The following EPHA6 variants were observed in gnomAD, a reference collection of about 807,000 sequenced individuals.
EPHA6 encodes EPH receptor A6, also known as ephrin type-A receptor 6.
EPHA6 carries 50 observed loss-of-function variants against 112.0 expected under a neutral mutation model. That is an observed-to-expected ratio of 0.45 (90% confidence interval 0.36 to 0.56). EPHA6 has a LOEUF of 0.56. EPHA6 is among the 20% of genes least tolerant of loss of function. The pLI, the probability that EPHA6 is intolerant of heterozygous loss-of-function variation, is 0.00. For synonymous variants in EPHA6, 529 were observed against 490.7 expected (o/e 1.08, Z -1.03); for missense variants, 1,280 against 1,417.4 (o/e 0.90, Z 1.56).
chr3:97,033,222 C>T (rs1576360173), intron 3 of EPHA6, among the ~76,000 whole-genome samples: 1 of 151,846 alleles, frequency 6.6e-6, no homozygotes, highest in South Asian at 2.1e-4. Context: ...ATGTGTACCA[C>T]TTTATTGAAA....
intron 5 of EPHA6, among the ~76,000 whole-genome samples, chr3:97,366,657 T>A (rs1316720170): frequency 6.6e-6 from 1 of 151,944 alleles, no homozygotes; most frequent in African/African-American, 2.4e-5. Flanking sequence ...AGAACAAGGA[T>A]AAGCAATAAT....
intron 5 of EPHA6, among the ~76,000 whole-genome samples, chr3:97,264,119 G>A (rs2079592633): frequency 6.6e-6 from 1 of 152,164 alleles, no homozygotes; most frequent in Non-Finnish European, 1.5e-5. Flanking sequence ...CAGGATCTTT[G>A]GGGTGTCACT....
At chr3:97,713,548 A>T (rs1249320874) in intron 14 of EPHA6, among the ~76,000 whole-genome samples, 6 of 152,244 alleles carry the variant, frequency 3.9e-5, no homozygotes, top group African/African-American at 1.2e-4. Flanking sequence ...ACTGTGCCAA[A>T]AAAAGGTTCT....
At chr3:97,272,801 C>A (rs527815983) in intron 5 of EPHA6, among the ~76,000 whole-genome samples, 8 of 152,214 alleles carry the variant, frequency 5.3e-5, no homozygotes, top group African/African-American at 1.7e-4. Flanking sequence ...AACCGGCCAT[C>A]TGGATGTGTA....
intron 10 of EPHA6, among the ~76,000 whole-genome samples, chr3:97,524,908 T>C (rs1344228116): frequency 6.6e-6 from 1 of 152,148 alleles, no homozygotes; most frequent in African/African-American, 2.4e-5. Flanking sequence ...TCTTTGTTTT[T>C]GGCTTTAATT....
intron 2 of EPHA6, among the ~76,000 whole-genome samples, chr3:96,882,787 T>C (rs1395516555): frequency 6.7e-6 from 1 of 149,686 alleles, no homozygotes; most frequent in Non-Finnish European, 1.5e-5. Context: ...ATCATCAATC[T>C]ATGTGATATA....
intron 14 of EPHA6, among the ~76,000 whole-genome samples, chr3:97,659,799 A>C (rs1191354907): frequency 6.6e-6 from 1 of 151,996 alleles, no homozygotes; most frequent in Non-Finnish European, 1.5e-5. Flanking sequence ...AATGATTATA[A>C]ATTATTTTCC....
chr3:97,002,408 GT>G (rs5851051), intron 3 of EPHA6, among the ~76,000 whole-genome samples: 65,963 of 142,958 alleles, frequency 0.46, 17,751 homozygotes, highest in East Asian at 0.76. Context: ...CATGAGGGTT[GT>G]TTTTTTTTTT....
At chr3:97,103,280 A>C (rs1274627078) in intron 3 of EPHA6, among the ~76,000 whole-genome samples, 1 of 152,128 alleles carries the variant, frequency 6.6e-6, no homozygotes, top group Non-Finnish European at 1.5e-5. Context: ...TCGAGGTTTT[A>C]CATTAAAGTC....
intron 4 of EPHA6, among the ~76,000 whole-genome samples, chr3:97,239,815 A>G (rs1299987854): frequency 2.0e-5 from 3 of 151,862 alleles, no homozygotes; most frequent in African/African-American, 7.2e-5. Flanking sequence ...TCCTCAATGT[A>G]AGTAGACCCA....
chr3:97,544,321 A>C (rs2107685580), intron 11 of EPHA6, among the ~76,000 whole-genome samples: 1 of 152,208 alleles, frequency 6.6e-6, no homozygotes. Context: ...AATTTTGTCA[A>C]AGGCCTTTTC....
intron 12 of EPHA6, among the ~76,000 whole-genome samples, chr3:97,603,721 A>G (rs2093659783): frequency 6.6e-6 from 1 of 151,950 alleles, no homozygotes; most frequent in Admixed American, 6.6e-5. Context: ...TTGTTAAGAA[A>G]TTATATGTTA....
chr3:97,191,188 T>G (rs1167061629), intron 3 of EPHA6, among the ~76,000 whole-genome samples: 1 of 152,122 alleles, frequency 6.6e-6, no homozygotes, highest in Non-Finnish European at 1.5e-5. Flanking sequence ...TTTATTTTCA[T>G]GGGTACATAG....
intron 2 of EPHA6, among the ~76,000 whole-genome samples, chr3:96,894,051 G>C (rs1183309396): frequency 6.6e-6 from 1 of 152,138 alleles, no homozygotes; most frequent in East Asian, 1.9e-4. Flanking sequence ...CATCCAAAAT[G>C]AGGTCAAGTC....
At chr3:97,744,133 C>T (rs947295320) in intron 16 of EPHA6, among the ~76,000 whole-genome samples, 1 of 151,920 alleles carries the variant, frequency 6.6e-6, no homozygotes, top group African/African-American at 2.4e-5. Context: ...CATAATTTTA[C>T]CTGAAATATC....
In EPHA6 at chr3:97,638,080, A is replaced by G; in HGVS notation, c.2782A>G (p.Thr928Ala). The G allele has an allele frequency of 8.7e-6, 14 of 1,610,084 alleles. No individual in the cohort carries two copies. Among genetic ancestry groups the G allele is most frequent in the South Asian group, 3.3e-5 (3 of 90,904 alleles). Reference sequence around the variant, plus strand: ...TGATCCAGAAGCTGCTTATACAACAACTGTAAGTTTATATGCCCTTTCCTA... The same window carrying G: ...TGATCCAGAAGCTGCTTATACAACAGCTGTAAGTTTATATGCCCTTTCCTA... The part of the protein sequence containing the change: ...EDDPEAAYTT[T>A]GGKIPIRWTA... Residue 928 changes from threonine (T) to alanine (A), a missense_variant and splice_region_variant, in exon 14 of 18, where the codon ACT becomes GCT. Transcript: ENST00000389672.
chr3:97,155,416 T>C (rs1355947397), intron 3 of EPHA6, among the ~76,000 whole-genome samples: 1 of 152,194 alleles, frequency 6.6e-6, no homozygotes, highest in Non-Finnish European at 1.5e-5. Flanking sequence ...GTCAGTACAC[T>C]TCATGACAAA....
At chr3:97,366,111 G>A (rs1037012670) in intron 5 of EPHA6, among the ~76,000 whole-genome samples, 3 of 152,094 alleles carry the variant, frequency 2.0e-5, no homozygotes, top group South Asian at 2.1e-4. Flanking sequence ...TGTTGTTTTC[G>A]CTTATGTTGA....
At chr3:97,069,445 T>C (rs2046285665) in intron 3 of EPHA6, among the ~76,000 whole-genome samples, 1 of 152,134 alleles carries the variant, frequency 6.6e-6, no homozygotes, top group African/African-American at 2.4e-5. Context: ...TTCAAACTTG[T>C]ATTGTTCAAG....
Sources: gnomAD v4.1 joint callset for allele counts (sites outside exome capture counted in the v4.1 genomes callset) on GRCh38, gnomAD v4.1.1 for gene constraint, MANE v1.5 for transcripts, NCBI Gene and HGNC (gene_info 2026-07-23, HGNC 2026-07-21) for gene names.